The following NR5A2 variants were observed in gnomAD, a reference collection of about 807,000 sequenced individuals.
NR5A2 encodes the protein CYP7A promoter-binding factor.
NR5A2 carries 26 observed loss-of-function variants against 62.7 expected under a neutral mutation model. The observed-to-expected ratio is 0.41, with a 90% CI of 0.30 to 0.58. NR5A2 has a LOEUF of 0.58. Among genes scored for constraint, NR5A2 ranks in the 20% least tolerant of loss-of-function variants. The pLI is 0.22. For missense variants in NR5A2, 541 were observed against 669.1 expected (o/e 0.81, Z 2.11); for synonymous variants, 246 against 241.7 (o/e 1.02, Z -0.16).
intron 1 of NR5A2, among the ~76,000 whole-genome samples, chr1:200,033,067 G>A (rs1661604225): frequency 6.6e-6 from 1 of 152,236 alleles, no homozygotes; most frequent in Non-Finnish European, 1.5e-5. Flanking sequence ...TGTATGGAAA[G>A]CAGAGTGGAA....
At chr1:200,124,065 A>C (rs1666597502) in intron 7 of NR5A2, among the ~76,000 whole-genome samples, 1 of 152,068 alleles carries the variant, frequency 6.6e-6, no homozygotes, top group Non-Finnish European at 1.5e-5. Context: ...TGGCCTCTCA[A>C]AGTGCTGGGA....
chr1:200,070,244 C>T (rs550217187), intron 5 of NR5A2, among the ~76,000 whole-genome samples: 20 of 152,178 alleles, frequency 1.3e-4, no homozygotes, highest in African/African-American at 4.6e-4. Flanking sequence ...TGTGCATTTG[C>T]TGTGGGCTTC....
At chr1:200,083,897 G>A (rs1664407243) in intron 5 of NR5A2, among the ~76,000 whole-genome samples, 1 of 151,686 alleles carries the variant, frequency 6.6e-6, no homozygotes, top group African/African-American at 2.4e-5. Flanking sequence ...CCTGGGAGGT[G>A]GAGGTTGCAG....
Position 200,175,922 on chromosome 1 carries a change from A to T in NR5A2, c.*1712A>T, listed in dbSNP as rs1654398690. The T allele has an allele frequency of 6.5e-6, 1 of 152,748 alleles. No homozygotes were observed. The highest frequency in any genetic ancestry group is 1.5e-5 in the Non-Finnish European group (1 of 68,030). The allele number at this position is 152,748 out of a possible 1,614,324, so 9.5% of individuals were successfully genotyped here. ...TTTGAGTAGTGTATTTATATTGTATATCATACTTTCAACTGTAGACAATTA... is the reference window on the plus strand; with the variant it reads ...TTTGAGTAGTGTATTTATATTGTATTTCATACTTTCAACTGTAGACAATTA... On this transcript the variant is annotated 3_prime_UTR_variant, in exon 8 of 8. Coordinates refer to ENST00000367362, the MANE Select transcript of NR5A2 (RefSeq NM_205860.3).
chr1:200,044,081 T>G (rs1482616015), intron 3 of NR5A2, 189 bp downstream of exon 3: 4 of 451,910 alleles, frequency 8.9e-6, no homozygotes, highest in African/African-American at 4.0e-5. Context: ...GCAAAGAAAT[T>G]TATGCTGTTT....
chr1:200,135,567 G>A (rs1012157396), intron 7 of NR5A2, among the ~76,000 whole-genome samples: 1 of 151,862 alleles, frequency 6.6e-6, no homozygotes, highest in African/African-American at 2.4e-5. Context: ...GCATGAATGA[G>A]GAAAAAGAGA....
intron 7 of NR5A2, among the ~76,000 whole-genome samples, chr1:200,135,239 G>T (rs1667158226): frequency 6.6e-6 from 1 of 152,168 alleles, no homozygotes; most frequent in South Asian, 2.1e-4. Context: ...TAAAGCATGA[G>T]GCCAGGTGCA....
At chr1:200,148,751 CTAAA>C (rs577820385) in intron 7 of NR5A2, among the ~76,000 whole-genome samples, 40 of 152,146 alleles carry the variant, frequency 2.6e-4, no homozygotes, top group Admixed American at 1.0e-3. Context: ...ATTTTAGTAG[CTAAA>C]TAATCTACAC....
At position 200,121,099 on chromosome 1, in the gene NR5A2, T is replaced by C. The variant is rs1312508382; in HGVS notation, c.1378+144T>C. 4 of 823,766 alleles carry C rather than the reference T, an allele frequency of 4.9e-6. No individual in the cohort carries two copies. In the Admixed American group the frequency reaches 1.1e-4, roughly 22 times the overall value. The allele number at this position is 823,766 out of a possible 1,614,324, so 51.0% of individuals were successfully genotyped here. On this transcript the variant is annotated intron_variant, in intron 7 of 7. Transcript: ENST00000367362. ...ATTATGAAATCTTCAAACGTGAATA[T>C]ATTTTCATATATATTTCTGCATGAT... is the stretch of plus-strand genomic sequence containing the variant.
At chr1:200,120,985 A>G in intron 7 of NR5A2, 30 bp downstream of exon 7, 2 of 1,612,446 alleles carry the variant, frequency 1.2e-6, no homozygotes, top group Non-Finnish European at 8.5e-7. Context: ...TGCTGTGCTC[A>G]ACCAACGATT....
chr1:200,150,119 T>G (rs544759972), intron 7 of NR5A2, among the ~76,000 whole-genome samples: 5 of 152,308 alleles, frequency 3.3e-5, no homozygotes, highest in African/African-American at 1.2e-4. Flanking sequence ...TGGAGCAATT[T>G]GAAGGAGCAC....
At position 200,039,184 on chromosome 1, in the gene NR5A2, A is replaced by T. The variant is rs1010633923; in HGVS notation, c.65-474A>T. ...AGGGGGAAGGGGCGGAGAGGAGGGG[A>T]GAGAGAAGGGAGGCGAGAGAAAGAG... On this transcript the variant is annotated intron_variant, in intron 1 of 7. Coordinates refer to ENST00000367362, the MANE Select transcript of NR5A2 (RefSeq NM_205860.3). This position sits in a 1 kb window ranked among gnomAD's most constrained non-coding sequence, Gnocchi z 5.1. Among the ~76,000 whole-genome samples, 10 of 151,840 alleles carry T rather than the reference A, an allele frequency of 6.6e-5. No homozygotes were observed. The highest frequency in any genetic ancestry group is 3.2e-3 in the Middle Eastern group (1 of 316).
intron 5 of NR5A2, among the ~76,000 whole-genome samples, chr1:200,085,646 G>A (rs1397598337): frequency 7.0e-6 from 1 of 142,862 alleles, no homozygotes; most frequent in Non-Finnish European, 1.5e-5. Context: ...GAGCACAACA[G>A]AATGAAGACC....
rs996905564 is a variant in NR5A2 at position 200,109,506 on chromosome 1, A to G, written c.1111-1696A>G. 3.3e-5 allele frequency among the ~76,000 whole-genome samples: 5 copies of G among 152,160 alleles called. 1 individual carries two copies. Among genetic ancestry groups the G allele is most frequent in the Non-Finnish European group, 5.9e-5 (4 of 68,024 alleles). On this transcript the variant is annotated intron_variant, in intron 5 of 7. Transcript: ENST00000367362. The stretch of plus-strand genomic sequence containing the variant: ...GTAGCTTGGCCAAGCTCTCATAGCT[A>G]GAAAGTGTGGAACTGTGCCTCAAAT...
chr1:200,090,051 G>T (rs184272150), intron 5 of NR5A2, among the ~76,000 whole-genome samples: 2 of 152,106 alleles, frequency 1.3e-5, no homozygotes, highest in Non-Finnish European at 2.9e-5. Flanking sequence ...CAAAATCTGG[G>T]ATGGGATGTA....
intron 5 of NR5A2, among the ~76,000 whole-genome samples, chr1:200,087,692 G>A (rs1370746853): frequency 6.6e-6 from 1 of 151,830 alleles, no homozygotes; most frequent in Non-Finnish European, 1.5e-5. Flanking sequence ...ACCGCGCCCG[G>A]CTTTATTTCC....
intron 5 of NR5A2, among the ~76,000 whole-genome samples, chr1:200,102,529 C>T (rs532738194): frequency 3.9e-5 from 6 of 152,286 alleles, no homozygotes; most frequent in Admixed American, 3.3e-4. Flanking sequence ...TACACCTAAA[C>T]ATGTGAACGT....
intron 7 of NR5A2, among the ~76,000 whole-genome samples, chr1:200,130,009 G>A (rs1456859316): frequency 1.3e-5 from 2 of 152,146 alleles, no homozygotes; most frequent in African/African-American, 4.8e-5. Flanking sequence ...AATTCAAAGG[G>A]CTTACAAAAG....
At chr1:200,036,597 G>A (rs1036029894) in intron 1 of NR5A2, among the ~76,000 whole-genome samples, 1 of 152,168 alleles carries the variant, frequency 6.6e-6, no homozygotes, top group African/African-American at 2.4e-5. Context: ...TGTGCCCTCG[G>A]GTCTCTGGCA....
Sources: allele counts gnomAD v4.1 joint callset (sites outside exome capture counted in the v4.1 genomes callset), GRCh38; gene constraint gnomAD v4.1.1; non-coding constraint Gnocchi (gnomAD v3.1); transcripts MANE v1.5; gene names NCBI Gene and HGNC (gene_info 2026-07-23, HGNC 2026-07-21).